STK39: variants seen among roughly 807,000 people sequenced by gnomAD.
The protein encoded by STK39 is STE20/SPS1-related proline-alanine-rich protein kinase.
STK39 carries 20 observed loss-of-function variants against 77.8 expected under a neutral mutation model. That is an observed-to-expected ratio of 0.26 (90% confidence interval 0.18 to 0.37). The LOEUF (loss-of-function observed/expected upper bound fraction) is 0.37, where lower values mean the gene tolerates loss of function less well. STK39 is among the 10% of genes least tolerant of loss of function. The pLI is 1.00. For synonymous variants in STK39, 246 were observed against 234.1 expected, an observed-to-expected ratio of 1.05 and a Z score of -0.47; for missense variants, 479 against 656.5, an observed-to-expected ratio of 0.73 and a Z score of 2.95.
chr2:168,001,510 CTCTT>C (rs940276256), intron 16 of STK39, among the ~76,000 whole-genome samples: 3 of 110,280 alleles, frequency 2.7e-5, no homozygotes, highest in Admixed American at 9.7e-5. Context: ...CAAGAAAGTC[CTCTT>C]TTTTTAAAAA....
chr2:168,206,302 CTTTT>C (rs869096206), intron 1 of STK39, among the ~76,000 whole-genome samples: 2 of 141,724 alleles, frequency 1.4e-5, no homozygotes, highest in Admixed American at 7.1e-5. Flanking sequence ...TCTTTTCTTT[CTTTT>C]TTTTTTTTTT....
intron 1 of STK39, among the ~76,000 whole-genome samples, chr2:168,204,970 T>A (rs1307564075): frequency 1.3e-5 from 2 of 152,232 alleles, no homozygotes; most frequent in Non-Finnish European, 2.9e-5. Context: ...GCAAACCAGC[T>A]TGGTTAAACA....
intron 1 of STK39, among the ~76,000 whole-genome samples, chr2:168,238,969 CT>C (rs1391974059): frequency 6.6e-6 from 1 of 152,026 alleles, no homozygotes; most frequent in Non-Finnish European, 1.5e-5. Context: ...GAAAAAAAAA[CT>C]TTCCCAAAAA....
chr2:168,056,148 A>C (rs894468875), intron 14 of STK39, among the ~76,000 whole-genome samples: 1 of 152,142 alleles, frequency 6.6e-6, no homozygotes, highest in African/African-American at 2.4e-5. Flanking sequence ...GCAACACTAT[A>C]TTTTTTTCAA....
intron 16 of STK39, among the ~76,000 whole-genome samples, chr2:167,983,453 CAAAAAAA>C (rs761596679): frequency 1.8e-4 from 17 of 92,178 alleles, no homozygotes; most frequent in East Asian, 5.9e-4. Flanking sequence ...AAACTCCATC[CAAAAAAA>C]AAAAAAAAAA....
chr2:168,226,482 C>CA (rs1690308859), intron 1 of STK39, among the ~76,000 whole-genome samples: 1 of 152,122 alleles, frequency 6.6e-6, no homozygotes, highest in Admixed American at 6.5e-5. Context: ...CTCACCAACT[C>CA]AAAAAAATCT....
intron 17 of STK39, among the ~76,000 whole-genome samples, chr2:167,958,186 C>T (rs1396734091): frequency 6.6e-6 from 1 of 152,082 alleles, no homozygotes; most frequent in East Asian, 1.9e-4. Context: ...CTGAGGACTC[C>T]AAAAAGTGTC....
At chr2:168,091,582 G>GCA (rs1325411223) in intron 10 of STK39, among the ~76,000 whole-genome samples, 1 of 152,234 alleles carries the variant, frequency 6.6e-6, no homozygotes, top group African/African-American at 2.4e-5. Context: ...CACCCTATGT[G>GCA]CAGAAAGACT....
intron 8 of STK39, among the ~76,000 whole-genome samples, chr2:168,132,950 G>C (rs1483201186): frequency 6.6e-6 from 1 of 152,206 alleles, no homozygotes; most frequent in African/African-American, 2.4e-5. Flanking sequence ...CCTGGAGCTA[G>C]ATTCAGTTAG....
At chr2:168,062,779 T>A (rs899523237) in intron 14 of STK39, among the ~76,000 whole-genome samples, 1 of 152,206 alleles carries the variant, frequency 6.6e-6, no homozygotes, top group Admixed American at 6.5e-5. Context: ...TATGTATAAC[T>A]TCTTTTAAAA....
At chr2:168,192,595 T>C (rs987410139) in intron 1 of STK39, among the ~76,000 whole-genome samples, 1 of 152,294 alleles carries the variant, frequency 6.6e-6, no homozygotes, top group Admixed American at 6.5e-5. Context: ...AGCCCCAAGC[T>C]ATGTGACCTT....
intron 5 of STK39, among the ~76,000 whole-genome samples, chr2:168,160,667 A>C (rs548181511): frequency 3.3e-5 from 5 of 152,194 alleles, no homozygotes; most frequent in Non-Finnish European, 5.9e-5. Flanking sequence ...TGGTACAGCT[A>C]CTAAGTGGTG....
chr2:168,020,901 G>C (rs1444947302), intron 14 of STK39, among the ~76,000 whole-genome samples: 1 of 151,982 alleles, frequency 6.6e-6, no homozygotes, highest in Non-Finnish European at 1.5e-5. Flanking sequence ...TATTCCCCAA[G>C]ATTTTGCATG....
chr2:168,057,493 C>A (rs1177960491), intron 14 of STK39, among the ~76,000 whole-genome samples: 1 of 152,130 alleles, frequency 6.6e-6, no homozygotes, highest in African/African-American at 2.4e-5. Flanking sequence ...GCGCCTGGCC[C>A]TCTATGAATG....
rs1256864510 is a variant in STK39 at position 168,182,040 on chromosome 2, C to G, written c.259G>C (p.Glu87Gln). ...VQAALCKPRQ[E>Q]RVAIKRINLE... ...TTGATCCGTTTTATTGCTACACGTT[C>G]TTGCCTGGGTTTGCATAGGGCTGCC... Residue 87 changes from glutamate (E) to glutamine (Q), a missense_variant, in exon 2 of 18, where the codon GAA becomes CAA. Coordinates refer to ENST00000355999, the MANE Select transcript of STK39 (RefSeq NM_013233.3). 1.2e-6 allele frequency: 2 copies of G among 1,614,040 alleles called. No individual in the cohort carries two copies. Among genetic ancestry groups the G allele is most frequent in the Non-Finnish European group, 1.7e-6 (2 of 1,179,946 alleles).
chr2:168,210,409 A>C (rs1689861045), intron 1 of STK39, among the ~76,000 whole-genome samples: 3 of 152,216 alleles, frequency 2.0e-5, no homozygotes, highest in African/African-American at 7.2e-5. Flanking sequence ...TGGTTTCATT[A>C]AAATTTCTAA....
chr2:168,066,370 T>C (rs1685795626), intron 12 of STK39, among the ~76,000 whole-genome samples: 1 of 152,250 alleles, frequency 6.6e-6, no homozygotes, highest in African/African-American at 2.4e-5. Flanking sequence ...CGGCGTTCAC[T>C]ATAAAATGTT....
chr2:168,234,676 T>C (rs13032701), intron 1 of STK39, among the ~76,000 whole-genome samples: 3 of 152,266 alleles, frequency 2.0e-5, no homozygotes, highest in African/African-American at 7.2e-5. Context: ...AGGCAAAAGG[T>C]GATGGCTGAA....
intron 10 of STK39, among the ~76,000 whole-genome samples, chr2:168,093,005 T>C (rs1686565633): frequency 6.6e-6 from 1 of 152,192 alleles, no homozygotes; most frequent in South Asian, 2.1e-4. Context: ...TCTCCTGTGA[T>C]TTGCAGACAT....
Sources: gnomAD v4.1 joint callset for allele counts (sites outside exome capture counted in the v4.1 genomes callset) on GRCh38, gnomAD v4.1.1 for gene constraint, MANE v1.5 for transcripts, NCBI Gene and HGNC (gene_info 2026-07-23, HGNC 2026-07-21) for gene names.